IFFO2: variants seen among roughly 807,000 people sequenced by gnomAD.
The protein encoded by IFFO2 is intermediate filament family orphan 2.
In IFFO2, 19 loss-of-function variants were observed where a neutral mutation model predicts 53.5. The ratio of observed to expected loss-of-function variants is 0.36; its 90% confidence interval spans 0.25 to 0.52. IFFO2 has a LOEUF of 0.52. IFFO2 is among the 20% of genes least tolerant of loss of function. The pLI, the probability that IFFO2 is intolerant of heterozygous loss-of-function variation, is 0.94. For synonymous variants in IFFO2, 303 were observed against 313.6 expected, an observed-to-expected ratio of 0.97 and a Z score of 0.36; for missense variants, 570 against 727.4, an observed-to-expected ratio of 0.78 and a Z score of 2.49.
chr1:18,922,237 C>G (rs2148169643), intron 1 of IFFO2, among the ~76,000 whole-genome samples: 1 of 152,256 alleles, frequency 6.6e-6, no homozygotes. Flanking sequence ...CCCAGCTCCT[C>G]CAACAGAGTT....
At position 18,916,771 on chromosome 1, in the gene IFFO2, T is replaced by C. The variant is rs1168407167; in HGVS notation, c.1103+132A>G. 2 of 1,136,208 alleles carry C rather than the reference T, an allele frequency of 1.8e-6. No individual in the cohort carries two copies. Among genetic ancestry groups the C allele is most frequent in the Non-Finnish European group, 1.2e-6 (1 of 819,886 alleles). The allele number at this position is 1,136,208 out of a possible 1,614,324, so 70.4% of individuals were successfully genotyped here. On this transcript the variant is annotated intron_variant, in intron 5 of 8. Coordinates refer to ENST00000455833, the MANE Select transcript of IFFO2 (RefSeq NM_001136265.2). The surrounding 1 kb of genome is among the most constrained non-coding windows in gnomAD (Gnocchi z 4.3). ...CTGGGTGACAAAGTGAGACCCTGTC[T>C]CAAAAAAAAAAAGGAAATGAATTCA...
At chr1:18,920,951 G>T in intron 2 of IFFO2, 110 bp downstream of exon 2, 1 of 877,644 alleles carries the variant, frequency 1.1e-6, no homozygotes, top group Non-Finnish European at 1.9e-6. Context: ...GGAGGTAACA[G>T]AGTAGGGGCT....
intron 6 of IFFO2, 30 bp from the exon 7 acceptor site, chr1:18,911,506 A>ATTTT (rs773622060): frequency 1.4e-4 from 105 of 727,738 alleles, no homozygotes; most frequent in African/African-American, 2.1e-4. Context: ...GGGACAGTTT[A>ATTTT]TTTTATTTAT....
chr1:18,944,433 A>G (rs1324734295), intron 1 of IFFO2, among the ~76,000 whole-genome samples: 2 of 152,034 alleles, frequency 1.3e-5, no homozygotes, highest in Admixed American at 6.5e-5. Context: ...CCCAGCCCCA[A>G]TTCCTGACCT....
At chr1:18,945,359 G>A (rs1474357683) in intron 1 of IFFO2, among the ~76,000 whole-genome samples, 3 of 152,146 alleles carry the variant, frequency 2.0e-5, no homozygotes, top group Non-Finnish European at 2.9e-5. Context: ...GGAGCAAAAC[G>A]GGGGTGCCAA....
intron 1 of IFFO2, among the ~76,000 whole-genome samples, chr1:18,946,608 A>C (rs1398778732): frequency 6.6e-6 from 1 of 151,642 alleles, no homozygotes; most frequent in East Asian, 1.9e-4. Context: ...TTGTAGAGAC[A>C]GGGTTTCACC....
At chr1:18,941,804 C>T (rs143127573) in intron 1 of IFFO2, among the ~76,000 whole-genome samples, 6 of 152,322 alleles carry the variant, frequency 3.9e-5, no homozygotes, top group Admixed American at 6.5e-5. Flanking sequence ...ATCCACACAA[C>T]GGGGAGGCTG....
chr1:18,954,283 G>A (rs933406730), intron 1 of IFFO2, among the ~76,000 whole-genome samples: 1 of 152,230 alleles, frequency 6.6e-6, no homozygotes, highest in African/African-American at 2.4e-5. Flanking sequence ...ACCTCCCAAA[G>A]AGCATCACCA....
intron 1 of IFFO2, among the ~76,000 whole-genome samples, chr1:18,927,998 T>C (rs371909557): frequency 1.3e-3 from 200 of 152,258 alleles, no homozygotes; most frequent in African/African-American, 4.7e-3. Context: ...GGGAATACAA[T>C]GTGGAAATCC....
Position 18,918,422 on chromosome 1 carries a change from C to A in IFFO2, c.903G>T (p.Thr301=). The change falls in exon 4 of 9, where the codon ACG becomes ACT. Residue 301 remains threonine (T), a synonymous_variant. Coordinates refer to ENST00000455833, the MANE Select transcript of IFFO2 (RefSeq NM_001136265.2). This position sits in a 1 kb window ranked among gnomAD's most constrained non-coding sequence, Gnocchi z 5.2. ...DMDICRRIDI[T]AKLCDVAQQR... is the part of the protein sequence containing the mutation. Reference sequence around the variant, plus strand: ...GCTGTGCGACATCGCACAGCTTGGCCGTGATATCGATTCGGCGGCAGATGT... The same window carrying A: ...GCTGTGCGACATCGCACAGCTTGGCAGTGATATCGATTCGGCGGCAGATGT... 6.4e-7 allele frequency: 1 copy of A among 1,559,296 alleles called. No individual in the cohort carries two copies. The highest frequency in any genetic ancestry group is 8.7e-7 in the Non-Finnish European group (1 of 1,151,116).
At chr1:18,955,646 C>A in intron 1 of IFFO2, 22 bp downstream of exon 1, 1 of 1,544,088 alleles carries the variant, frequency 6.5e-7, no homozygotes, top group Non-Finnish European at 8.7e-7. Context: ...CCCAGGGCGG[C>A]GGGGGAGGGG....
chr1:18,911,828 T>C, intron 6 of IFFO2, 135 bp downstream of exon 6: 2 of 1,175,078 alleles, frequency 1.7e-6, no homozygotes, highest in Non-Finnish European at 1.2e-6. Flanking sequence ...CATGAGCCAC[T>C]GCGCCTGGCC....
rs1305685518 is a variant in IFFO2, at chr1:18,910,326, G to A, written c.1448+16C>T. On this transcript the variant is annotated intron_variant, in intron 8 of 8. Transcript: ENST00000455833. The stretch of plus-strand genomic sequence containing the variant: ...AGGATGCCATAGCTGAATCCCCTGG[G>A]AGGATGGGCGGGTACCTGTCTGCGG... The A allele has an allele frequency of 4.4e-6, 7 of 1,593,880 alleles. No homozygotes were observed. The Admixed American group carries it at 5.3e-5, about 12-fold the overall frequency.
Position 18,916,784 on chromosome 1 carries a change from G to A in IFFO2, c.1103+119C>T. On this transcript the variant is annotated intron_variant, in intron 5 of 8. Coordinates refer to ENST00000455833, the MANE Select transcript of IFFO2 (RefSeq NM_001136265.2). The surrounding 1 kb of genome is among the most constrained non-coding windows in gnomAD (Gnocchi z 4.3). ...TGAGACCCTGTCTCAAAAAAAAAAA[G>A]GAAATGAATTCAAATTCTTCCAGTG... is the stretch of plus-strand genomic sequence containing the variant. 6.5e-6 allele frequency: 8 copies of A among 1,232,262 alleles called. No homozygotes were observed. The highest frequency in any genetic ancestry group is 6.3e-5 in the South Asian group (4 of 63,028). 76.3% of individuals were successfully genotyped at this position (1,232,262 alleles called of 1,614,324 possible). A position where few individuals can be genotyped will look rare whatever the true frequency, so the allele number is the denominator to read the frequency against.
At position 18,926,729 on chromosome 1, in the gene IFFO2, C is replaced by A. The variant is rs74961445; in HGVS notation, c.666-5608G>T. On this transcript the variant is annotated intron_variant, in intron 1 of 8. Transcript: ENST00000455833. ...CCCCACTCAGGGCCAGTGCCTCCCC[C>A]TCTCCCGTCAGCTCAAGATGACACA... is the stretch of plus-strand genomic sequence containing the variant. Among the ~76,000 whole-genome samples the A allele has an allele frequency of 1.2e-4, 18 of 152,152 alleles. No homozygotes were observed. In the East Asian group the frequency reaches 3.1e-3, roughly 26 times the overall value.
rs187410327 is a variant in IFFO2, at chr1:18,946,693, A to C, written c.665+8975T>G. On this transcript the variant is annotated intron_variant, in intron 1 of 8. Transcript: ENST00000455833. ...CGGCCTCCTAAAGTGCTGGGATTAC[A>C]GGCATGAGCTACCGCACCGGGCCTG... Among the ~76,000 whole-genome samples, 313 of 152,096 alleles carry C rather than the reference A, an allele frequency of 2.1e-3. 1 individual carries two copies. The highest frequency in any genetic ancestry group is 2.7e-3 in the Non-Finnish European group (186 of 67,996).
At chr1:18,909,329 C>A (rs1191324279) in intron 8 of IFFO2, among the ~76,000 whole-genome samples, 2 of 152,156 alleles carry the variant, frequency 1.3e-5, no homozygotes, top group East Asian at 3.9e-4. Context: ...TCATTCTCAG[C>A]GTGGCTGTCC....
chr1:18,945,648 C>T (rs1008781709), intron 1 of IFFO2, among the ~76,000 whole-genome samples: 42 of 152,246 alleles, frequency 2.8e-4, no homozygotes, highest in Admixed American at 2.4e-3. Context: ...GGCCAGAGGG[C>T]GCTGAGCAAG....
chr1:18,918,556 G>A lies in IFFO2; in HGVS notation c.823-54C>T. The stretch of plus-strand genomic sequence containing the variant: ...AGCGAGGGATGGAGCAAGCCTGGGG[G>A]GCTTGGCAGAGAGGTGGGGAGACCC... On this transcript the variant is annotated intron_variant, in intron 3 of 8. Coordinates refer to ENST00000455833, the MANE Select transcript of IFFO2 (RefSeq NM_001136265.2). The surrounding 1 kb of genome is among the most constrained non-coding windows in gnomAD (Gnocchi z 5.2). 5.2e-6 allele frequency: 8 copies of A among 1,540,064 alleles called. No homozygotes were observed. Among genetic ancestry groups the A allele is most frequent in the African/African-American group, 1.4e-5 (1 of 72,892 alleles).
Sources: gnomAD v4.1 joint callset for allele counts (sites outside exome capture counted in the v4.1 genomes callset) on GRCh38, gnomAD v4.1.1 for gene constraint, Gnocchi (gnomAD v3.1) non-coding constraint, MANE v1.5 for transcripts, NCBI Gene and HGNC (gene_info 2026-07-23, HGNC 2026-07-21) for gene names.